Variants in SFT2D1 observed in about 807,000 individuals in gnomAD.
The protein encoded by SFT2D1 is SFT2 domain containing 1.
Under a neutral mutation model 28.1 loss-of-function variants are expected in SFT2D1, and 24 were observed. That is an observed-to-expected ratio of 0.85 (90% CI 0.62 to 1.20). The LOEUF (loss-of-function observed/expected upper bound fraction) is 1.20, where lower values mean the gene tolerates loss of function less well. Ranked by LOEUF, SFT2D1 falls within the 50% of genes most tolerant of loss-of-function variation. The pLI is 0.00. For missense variants in SFT2D1, 181 were observed against 190.9 expected (o/e 0.95, Z 0.31); for synonymous variants, 82 against 73.7 (o/e 1.11, Z -0.58).
chr6:166,336,061 T>C (rs1281332086), intron 1 of SFT2D1, among the ~76,000 whole-genome samples: 2 of 152,258 alleles, frequency 1.3e-5, no homozygotes, highest in Non-Finnish European at 1.5e-5. Flanking sequence ...CTAAATGTAA[T>C]AGTCTGATCA....
chr6:166,341,313 G>A (rs1297095266), intron 1 of SFT2D1, among the ~76,000 whole-genome samples: 1 of 151,948 alleles, frequency 6.6e-6, no homozygotes, highest in Non-Finnish European at 1.5e-5. Flanking sequence ...GCAGGGCATG[G>A]TGGCAGGTGC....
chr6:166,323,022 A>C (rs1778385869), intron 6 of SFT2D1, 136 bp from the exon 7 acceptor site: 1 of 631,654 alleles, frequency 1.6e-6, no homozygotes, highest in Non-Finnish European at 2.8e-6. Flanking sequence ...GACCCCGACC[A>C]GCAGTGAGAG....
intron 1 of SFT2D1, among the ~76,000 whole-genome samples, chr6:166,332,951 A>G (rs767107187): frequency 4.6e-5 from 7 of 152,224 alleles, no homozygotes; most frequent in Non-Finnish European, 8.8e-5. Context: ...GTGACGGAGA[A>G]GCTGAGGAAC....
chr6:166,335,366 T>C, intron 1 of SFT2D1: 2 of 575,568 alleles, frequency 3.5e-6, no homozygotes, highest in Non-Finnish European at 6.7e-6. Flanking sequence ...CTCCAATGAT[T>C]TTGGCAATTA....
intron 5 of SFT2D1, 199 bp from the exon 6 acceptor site, chr6:166,324,794 C>A (rs1778414664): frequency 1.8e-6 from 1 of 554,740 alleles, no homozygotes; most frequent in Non-Finnish European, 3.2e-6. Flanking sequence ...AAAACTATAT[C>A]CATTAATTTA....
chr6:166,330,645 G>C (rs898146749), intron 1 of SFT2D1, among the ~76,000 whole-genome samples: 5 of 152,322 alleles, frequency 3.3e-5, no homozygotes, highest in Middle Eastern at 3.4e-3. Flanking sequence ...GAGTACACAG[G>C]TTCATTATCT....
chr6:166,323,933 G>A (rs957966465), intron 6 of SFT2D1: 1 of 151,632 alleles, frequency 6.6e-6, no homozygotes, highest in Non-Finnish European at 1.5e-5. Flanking sequence ...TTGAACCCGG[G>A]AGGCAGAGGT....
At chr6:166,321,849 A>C (rs1034863149) in intron 7 of SFT2D1, among the ~76,000 whole-genome samples, 4 of 152,172 alleles carry the variant, frequency 2.6e-5, no homozygotes, top group African/African-American at 9.7e-5. Flanking sequence ...TGCTGACCAA[A>C]AATAAGCATT....
intron 3 of SFT2D1, among the ~76,000 whole-genome samples, 170 bp from the exon 4 acceptor site, chr6:166,328,527 T>C (rs950522863): frequency 1.3e-5 from 2 of 152,214 alleles, no homozygotes; most frequent in Admixed American, 1.3e-4. Flanking sequence ...ACTATACCAA[T>C]AGACATGCTA....
At chr6:166,326,237 A>G in intron 4 of SFT2D1, 70 bp from the exon 5 acceptor site, 1 of 1,294,518 alleles carries the variant, frequency 7.7e-7, no homozygotes, top group Middle Eastern at 2.0e-4. Context: ...TGCATAAACT[A>G]TTCTGCATTC....
At chr6:166,333,675 C>G (rs1778593055) in intron 1 of SFT2D1, among the ~76,000 whole-genome samples, 1 of 152,232 alleles carries the variant, frequency 6.6e-6, no homozygotes, top group Admixed American at 6.5e-5. Context: ...TGGAGTCAGG[C>G]ACAGGGCAGG....
intron 1 of SFT2D1, among the ~76,000 whole-genome samples, chr6:166,330,845 T>C (rs1452168307): frequency 6.6e-6 from 1 of 152,090 alleles, no homozygotes; most frequent in Non-Finnish European, 1.5e-5. Flanking sequence ...CCATGGAGGG[T>C]AGAGGACGCT....
chr6:166,333,525 A>C (rs1195732368), intron 1 of SFT2D1, among the ~76,000 whole-genome samples: 1 of 152,080 alleles, frequency 6.6e-6, no homozygotes, highest in Non-Finnish European at 1.5e-5. Context: ...TGAACTCCTC[A>C]TCCGGCCCTT....
intron 3 of SFT2D1, 149 bp downstream of exon 3, chr6:166,329,358 T>G (rs1455990827): frequency 3.2e-6 from 2 of 616,046 alleles, no homozygotes; most frequent in African/African-American, 3.7e-5. Context: ...ACAGCAGCAG[T>G]CAATACATAT....
chr6:166,320,677 AT>A (rs34662866), intron 7 of SFT2D1, among the ~76,000 whole-genome samples: 38,749 of 143,002 alleles, frequency 0.27, 5,496 homozygotes, highest in African/African-American at 0.35. Context: ...CACTACACTA[AT>A]TTTTTTTTTT....
rs1323859058 is a variant in SFT2D1 at position 166,341,513 on chromosome 6, T to G, written c.63+906A>C. On this transcript the variant is annotated intron_variant, in intron 1 of 7. Coordinates refer to ENST00000361731, the MANE Select transcript of SFT2D1 (RefSeq NM_145169.3). Reference sequence around the variant, plus strand: ...TGTGGTAATATACAGAGTTACAGAGTGCAATGAGAACAGATACTTGTCTTA... The same window carrying G: ...TGTGGTAATATACAGAGTTACAGAGGGCAATGAGAACAGATACTTGTCTTA... Among the ~76,000 whole-genome samples, 5 of 149,768 alleles carry G rather than the reference T, an allele frequency of 3.3e-5. No individual in the cohort carries two copies. In the East Asian group the frequency reaches 7.8e-4, roughly 23 times the overall value.
rs1167494928 is a variant in SFT2D1 at position 166,335,345 on chromosome 6, G to C, written c.64-5098C>G. On this transcript the variant is annotated intron_variant, in intron 1 of 7. Transcript: ENST00000361731. ...TGGTAATGATGGAATCAATTCTGGA[G>C]GTGGCAGAAGCTCCAATGATTTTGG... The C allele has an allele frequency of 5.2e-6, 3 of 576,968 alleles. No homozygotes were observed. The East Asian group carries it at 1.3e-4, about 25-fold the overall frequency. 35.7% of individuals were successfully genotyped at this position (576,968 alleles called of 1,614,324 possible). A position where few individuals can be genotyped will look rare whatever the true frequency, so the allele number is the denominator to read the frequency against.
intron 7 of SFT2D1, among the ~76,000 whole-genome samples, chr6:166,321,269 T>C (rs1424392629): frequency 6.6e-6 from 1 of 152,200 alleles, no homozygotes; most frequent in Non-Finnish European, 1.5e-5. Context: ...ACCTAGGCCA[T>C]AAAAAATATC....
intron 4 of SFT2D1, 107 bp downstream of exon 4, chr6:166,328,169 A>T (rs1483863369): frequency 6.2e-6 from 3 of 480,176 alleles, no homozygotes; most frequent in South Asian, 6.6e-5. Flanking sequence ...TAATAAAAAA[A>T]AATAAAAATA....
Sources: allele counts gnomAD v4.1 joint callset (sites outside exome capture counted in the v4.1 genomes callset), GRCh38; gene constraint gnomAD v4.1.1; transcripts MANE v1.5; gene names NCBI Gene and HGNC (gene_info 2026-07-23, HGNC 2026-07-21).